The following RBFOX1 variants were observed in gnomAD, a reference collection of about 807,000 sequenced individuals.
RBFOX1 encodes the protein RNA binding fox-1 homolog 1, also known as RNA binding protein fox-1 homolog 1.
Under a neutral mutation model 57.7 loss-of-function variants are expected in RBFOX1, and 8 were observed. That is an observed-to-expected ratio of 0.14 (90% CI 0.08 to 0.25). RBFOX1 has a LOEUF of 0.25. Ranked by LOEUF, RBFOX1 falls within the 10% of genes least tolerant of loss-of-function variation. The pLI, the probability that RBFOX1 is intolerant of heterozygous loss-of-function variation, is 1.00. For missense variants in RBFOX1, 611 were observed against 548.5 expected (o/e 1.11, Z -1.14); for synonymous variants, 326 against 222.4 (o/e 1.47, Z -4.15).
intron 3 of RBFOX1, among the ~76,000 whole-genome samples, chr16:6,846,127 A>G (rs11645781): frequency 0.76 from 115,099 of 152,126 alleles, 43,938 homozygotes; most frequent in East Asian, 0.89. Flanking sequence ...TTTCATTCGT[A>G]TATCAGACTT....
At chr16:5,419,357 C>A (rs556293207) in intron 1 of RBFOX1, among the ~76,000 whole-genome samples, 1 of 152,234 alleles carries the variant, frequency 6.6e-6, no homozygotes, top group South Asian at 2.1e-4. Context: ...AAGCATCCAG[C>A]ACGAGAGAAA....
chr16:7,420,734 A>G (rs1040278768), intron 4 of RBFOX1, among the ~76,000 whole-genome samples: 5 of 151,554 alleles, frequency 3.3e-5, no homozygotes, highest in African/African-American at 1.2e-4. Flanking sequence ...TATGACTTCA[A>G]TTACATCTAG....
chr16:7,185,707 C>G (rs1437154301), intron 4 of RBFOX1, among the ~76,000 whole-genome samples: 1 of 152,140 alleles, frequency 6.6e-6, no homozygotes, highest in African/African-American at 2.4e-5. Flanking sequence ...CTCTTTTTTG[C>G]TACCACTGAA....
intron 3 of RBFOX1, among the ~76,000 whole-genome samples, chr16:6,828,245 G>A (rs1224944683): frequency 6.6e-6 from 1 of 152,240 alleles, no homozygotes; most frequent in Non-Finnish European, 1.5e-5. Flanking sequence ...AAAATTTCAG[G>A]CCAGGCACAG....
chr16:5,315,946 A>G (rs759447269), intron 1 of RBFOX1, among the ~76,000 whole-genome samples: 1 of 152,096 alleles, frequency 6.6e-6, no homozygotes, highest in Non-Finnish European at 1.5e-5. Context: ...ATAAGACAGA[A>G]CTTTTGACAG....
intron 2 of RBFOX1, among the ~76,000 whole-genome samples, chr16:5,563,492 C>T: frequency 6.6e-6 from 1 of 152,094 alleles, no homozygotes. Flanking sequence ...ATAAAGTACA[C>T]CAAAACTAAA....
intron 1 of RBFOX1, among the ~76,000 whole-genome samples, chr16:6,083,053 G>C (rs138797229): frequency 1.4e-3 from 218 of 152,118 alleles, no homozygotes; most frequent in African/African-American, 5.1e-3. Flanking sequence ...CCAGGCTGGA[G>C]TGCAGTGGCA....
At chr16:7,082,957 C>G (rs1354435742) in intron 4 of RBFOX1, among the ~76,000 whole-genome samples, 1 of 151,974 alleles carries the variant, frequency 6.6e-6, no homozygotes, top group African/African-American at 2.4e-5. Flanking sequence ...AGCTCTGGAC[C>G]TACCAGCCTG....
chr16:6,512,637 C>G (rs1282233348), intron 2 of RBFOX1, among the ~76,000 whole-genome samples: 1 of 152,158 alleles, frequency 6.6e-6, no homozygotes, highest in African/African-American at 2.4e-5. Context: ...AGAGTTCTCC[C>G]AAGAAAATGG....
chr16:6,109,008 G>C (rs780876194), intron 1 of RBFOX1, among the ~76,000 whole-genome samples: 6 of 152,108 alleles, frequency 3.9e-5, no homozygotes, highest in Non-Finnish European at 1.5e-5. Flanking sequence ...ACAGGGATTA[G>C]GACCTGATAT....
intron 1 of RBFOX1, among the ~76,000 whole-genome samples, chr16:5,398,548 G>A (rs1007347034): frequency 1.3e-5 from 2 of 151,734 alleles, no homozygotes; most frequent in Admixed American, 6.6e-5. Context: ...ACATGCACGA[G>A]TTCGTGTGTG....
intron 2 of RBFOX1, among the ~76,000 whole-genome samples, chr16:6,560,639 A>G (rs948658333): frequency 2.0e-5 from 3 of 152,192 alleles, no homozygotes; most frequent in Non-Finnish European, 2.9e-5. Flanking sequence ...TTTGGATTTT[A>G]CTTGAGTAAA....
intron 1 of RBFOX1, among the ~76,000 whole-genome samples, chr16:6,050,301 G>C (rs907456867): frequency 1.4e-4 from 21 of 152,078 alleles, no homozygotes; most frequent in African/African-American, 5.1e-4. Context: ...CCATATTTTT[G>C]TGTGTTTGTT....
chr16:7,071,234 C>G lies in RBFOX1; in HGVS notation c.27+19136C>G, dbSNP rs1440854703. ...TCTAAAAGCTTTTATTGAGCATATACTACATACACCACTAGGAGAATAGTA... is the reference window on the plus strand; with the variant it reads ...TCTAAAAGCTTTTATTGAGCATATAGTACATACACCACTAGGAGAATAGTA... On this transcript the variant is annotated intron_variant, in intron 4 of 15. Transcript: ENST00000550418. Among the ~76,000 whole-genome samples, 3 of 152,178 alleles carry G rather than the reference C, an allele frequency of 2.0e-5. No individual in the cohort carries two copies. In the East Asian group the frequency reaches 5.8e-4, roughly 29 times the overall value.
At chr16:6,539,753 G>C (rs568249105) in intron 2 of RBFOX1, among the ~76,000 whole-genome samples, 4 of 151,016 alleles carry the variant, frequency 2.6e-5, no homozygotes, top group African/African-American at 4.8e-5. Flanking sequence ...AGCTGAGATC[G>C]TGCCACTGCA....
At chr16:7,023,824 T>C (rs976249700) in intron 3 of RBFOX1, among the ~76,000 whole-genome samples, 1 of 152,086 alleles carries the variant, frequency 6.6e-6, no homozygotes, top group African/African-American at 2.4e-5. Context: ...CTGCCATTTT[T>C]AATCACCCAG....
chr16:6,206,583 A>G (rs1466768284), intron 1 of RBFOX1, among the ~76,000 whole-genome samples: 5 of 152,212 alleles, frequency 3.3e-5, no homozygotes, highest in Non-Finnish European at 7.3e-5. Flanking sequence ...TTTGTTGAAT[A>G]TATTAAATTA....
chr16:6,420,139 G>A (rs1034988065), intron 2 of RBFOX1, among the ~76,000 whole-genome samples: 1 of 151,874 alleles, frequency 6.6e-6, no homozygotes, highest in Non-Finnish European at 1.5e-5. Context: ...CTTTTCTCCC[G>A]TTGTCTTGCC....
intron 1 of RBFOX1, among the ~76,000 whole-genome samples, chr16:6,146,074 A>G (rs2096755825): frequency 6.6e-6 from 1 of 152,202 alleles, no homozygotes; most frequent in Non-Finnish European, 1.5e-5. Flanking sequence ...TGGGGATCCA[A>G]GCTGTGTTCT....
Sources: gnomAD v4.1 joint callset for allele counts (sites outside exome capture counted in the v4.1 genomes callset) on GRCh38, gnomAD v4.1.1 for gene constraint, MANE v1.5 for transcripts, NCBI Gene and HGNC (gene_info 2026-07-23, HGNC 2026-07-21) for gene names.